UNC13C: variants seen among roughly 807,000 people sequenced by gnomAD.
UNC13C encodes protein unc-13 homolog C.
UNC13C carries 174 observed loss-of-function variants against 245.4 expected under a neutral mutation model. That is an observed-to-expected ratio of 0.71 (90% confidence interval 0.63 to 0.80). UNC13C has a LOEUF of 0.80. Ranked by LOEUF, UNC13C falls within the 30% of genes least tolerant of loss-of-function variation. The pLI is 0.00. For synonymous variants in UNC13C, 992 were observed against 895.1 expected, an observed-to-expected ratio of 1.11 and a Z score of -1.93; for missense variants, 2,829 against 2,602.9, an observed-to-expected ratio of 1.09 and a Z score of -1.89.
chr15:54,318,482 T>C (rs886464617), intron 13 of UNC13C, among the ~76,000 whole-genome samples: 1 of 151,876 alleles, frequency 6.6e-6, no homozygotes. Flanking sequence ...ATTGGTGATG[T>C]TGAACTTTTT....
At chr15:54,125,055 A>C (rs1264388413) in intron 2 of UNC13C, among the ~76,000 whole-genome samples, 3 of 152,232 alleles carry the variant, frequency 2.0e-5, no homozygotes, top group Non-Finnish European at 4.4e-5. Context: ...AAGTAATCTT[A>C]ATTGAATAAA....
intron 4 of UNC13C, among the ~76,000 whole-genome samples, chr15:54,207,013 G>C (rs2034735173): frequency 6.6e-6 from 1 of 151,966 alleles, no homozygotes; most frequent in Non-Finnish European, 1.5e-5. Context: ...AAAATACCGT[G>C]GGCCCTAAAT....
In UNC13C at chr15:54,195,382, G is replaced by A. The variant is rs143666862; in HGVS notation, c.3072-39648G>A. Among the ~76,000 whole-genome samples, 423 of 152,220 alleles carry A rather than the reference G, an allele frequency of 2.8e-3. 1 individual carries two copies. The highest frequency in any genetic ancestry group is 9.8e-3 in the African/African-American group (407 of 41,522). ...CATTTTTGCACTGTAGCTTTGCTAT[G>A]GAACAAAGGCATAATGAATAACATT... On this transcript the variant is annotated intron_variant, in intron 4 of 32. Coordinates refer to ENST00000260323, the MANE Select transcript of UNC13C (RefSeq NM_001080534.3).
intron 30 of UNC13C, among the ~76,000 whole-genome samples, chr15:54,600,107 T>A (rs1346382045): frequency 6.6e-6 from 1 of 152,102 alleles, no homozygotes; most frequent in African/African-American, 2.4e-5. Flanking sequence ...ATGAACACCA[T>A]TCCTACTCTC....
chr15:54,280,973 T>C (rs1226724302), intron 10 of UNC13C, among the ~76,000 whole-genome samples: 2 of 151,720 alleles, frequency 1.3e-5, no homozygotes, highest in Admixed American at 6.6e-5. Context: ...AATTTTTGTA[T>C]GTTTAGTAGA....
At chr15:54,371,459 C>T (rs576432209) in intron 17 of UNC13C, among the ~76,000 whole-genome samples, 9 of 152,176 alleles carry the variant, frequency 5.9e-5, no homozygotes, top group Non-Finnish European at 8.8e-5. Flanking sequence ...TTGAATAAAG[C>T]GGAAGGCTTT....
At chr15:54,026,231 G>A (rs73415078) in intron 2 of UNC13C, among the ~76,000 whole-genome samples, 2,441 of 152,202 alleles carry the variant, frequency 0.016, 79 homozygotes, top group African/African-American at 0.056. Context: ...CTCATAAAAC[G>A]TTAATGGAGT....
the UNC13C span, among the ~76,000 whole-genome samples, chr15:53,939,244 T>C: frequency 1.3e-5 from 2 of 152,106 alleles, no homozygotes; most frequent in Non-Finnish European, 2.9e-5. Flanking sequence ...CTAGAATAAA[T>C]GGATAAATTC....
chr15:54,250,614 A>G (rs2036119509), intron 8 of UNC13C, among the ~76,000 whole-genome samples, 170 bp downstream of exon 8: 1 of 152,120 alleles, frequency 6.6e-6, no homozygotes, highest in Admixed American at 6.5e-5. Flanking sequence ...TTGATGATGC[A>G]TTCTTACAGT....
intron 4 of UNC13C, among the ~76,000 whole-genome samples, chr15:54,163,931 A>G (rs2033068474): frequency 6.6e-6 from 1 of 152,216 alleles, no homozygotes; most frequent in African/African-American, 2.4e-5. Flanking sequence ...TATGGGATGA[A>G]TAAGACTAGA....
intron 19 of UNC13C, among the ~76,000 whole-genome samples, chr15:54,455,935 C>A (rs1167323241): frequency 6.6e-6 from 1 of 152,082 alleles, no homozygotes; most frequent in East Asian, 1.9e-4. Context: ...TGGTCATGAA[C>A]TCTTTGTTCG....
At chr15:54,447,694 T>C (rs958463359) in intron 19 of UNC13C, among the ~76,000 whole-genome samples, 8 of 152,172 alleles carry the variant, frequency 5.3e-5, no homozygotes, top group Non-Finnish European at 1.2e-4. Flanking sequence ...TAGTGGTCTA[T>C]CAATTTTGTT....
chr15:53,958,761 T>C, the UNC13C span, among the ~76,000 whole-genome samples: 2 of 152,330 alleles, frequency 1.3e-5, no homozygotes, highest in East Asian at 3.9e-4. Context: ...ATCAGGGTAA[T>C]TGGGATATCC....
At chr15:54,235,272 A>C (rs1425152933) in intron 5 of UNC13C, among the ~76,000 whole-genome samples, 164 bp downstream of exon 5, 1 of 152,198 alleles carries the variant, frequency 6.6e-6, no homozygotes, top group Non-Finnish European at 1.5e-5. Context: ...ATTTCTTTAA[A>C]ATCTATTAGA....
At chr15:54,061,241 T>C (rs937300296) in intron 2 of UNC13C, among the ~76,000 whole-genome samples, 1 of 151,116 alleles carries the variant, frequency 6.6e-6, no homozygotes, top group Non-Finnish European at 1.5e-5. Context: ...AGGACTAGAG[T>C]ACTAGAAAGG....
intron 1 of UNC13C, among the ~76,000 whole-genome samples, chr15:54,000,228 C>T (rs145175254): frequency 0.016 from 2,458 of 152,036 alleles, 22 homozygotes; most frequent in South Asian, 0.047. Flanking sequence ...AGAACAGCAT[C>T]GGGTTATAAT....
rs779933858 is a variant in UNC13C at position 54,297,832 on chromosome 15, C to T, written c.4010C>T (p.Ala1337Val). ...TCAGAGAAAAGGACAGATAAGTCAG[C>T]TGTATCTGGGGCCATACGATTGAAA... is the stretch of plus-strand genomic sequence containing the variant. ...YNLEKRTDKS[A>V]VSGAIRLKIN... The change falls in exon 12 of 33, where the codon GCT becomes GTT. Residue 1337 changes from alanine to valine, a missense_variant. Ala to Val is a moderately conservative substitution (Grantham distance 64). Coordinates refer to ENST00000260323, the MANE Select transcript of UNC13C (RefSeq NM_001080534.3). 4 of 1,608,822 alleles carry T rather than the reference C, an allele frequency of 2.5e-6. No individual in the cohort carries two copies. In the South Asian group the frequency reaches 4.5e-5, roughly 18 times the overall value.
chr15:54,114,869 C>T (rs2030116329), intron 2 of UNC13C, among the ~76,000 whole-genome samples: 1 of 152,098 alleles, frequency 6.6e-6, no homozygotes, highest in Non-Finnish European at 1.5e-5. Context: ...ATTTTCCGTT[C>T]CAGTGGCTGT....
At chr15:54,207,262 T>C (rs954771494) in intron 4 of UNC13C, among the ~76,000 whole-genome samples, 2 of 152,064 alleles carry the variant, frequency 1.3e-5, no homozygotes, top group African/African-American at 4.8e-5. Context: ...TTTGCCATCA[T>C]AAATAGATTA....
Sources: gnomAD v4.1 joint callset for allele counts (sites outside exome capture counted in the v4.1 genomes callset) on GRCh38, gnomAD v4.1.1 for gene constraint, MANE v1.5 for transcripts, NCBI Gene and HGNC (gene_info 2026-07-23, HGNC 2026-07-21) for gene names.